The following TRIB2 variants were observed in gnomAD, a reference collection of about 807,000 sequenced individuals.
TRIB2 encodes tribbles pseudokinase 2.
A neutral mutation model predicts 26.8 loss-of-function variants in TRIB2; 2 were observed. The observed-to-expected ratio is 0.07, with a 90% CI of 0.03 to 0.24. The LOEUF is 0.24. Among genes scored for constraint, TRIB2 ranks in the 10% least tolerant of loss-of-function variants. The probability of loss-of-function intolerance (pLI) is 1.00; values close to 1 mark genes in which losing one functional copy is unlikely to be tolerated. For missense variants in TRIB2, 306 were observed against 449.0 expected (o/e 0.68, Z 2.88); for synonymous variants, 189 against 187.3 (o/e 1.01, Z -0.08).
intron 2 of TRIB2, among the ~76,000 whole-genome samples, chr2:12,739,078 T>C (rs1661650860): frequency 6.6e-6 from 1 of 152,086 alleles, no homozygotes; most frequent in Admixed American, 6.5e-5. Context: ...CTTGGGCTCA[T>C]GGTTCTGTTC....
Position 12,718,190 on chromosome 2 carries a change from C to A in TRIB2, c.-118C>A. 1.5e-6 allele frequency: 2 copies of A among 1,341,854 alleles called. No individual in the cohort carries two copies. The highest frequency in any genetic ancestry group is 1.5e-5 in the South Asian group (1 of 65,910). 83.1% of individuals were successfully genotyped at this position (1,341,854 alleles called of 1,614,324 possible). On this transcript the variant is annotated 5_prime_UTR_variant, in exon 1 of 3. Coordinates refer to ENST00000155926, the MANE Select transcript of TRIB2 (RefSeq NM_021643.4). This position sits in a 1 kb window ranked among gnomAD's most constrained non-coding sequence, Gnocchi z 4.0. ...TTCTCCACGCAGCCCCTCTTCTGTC[C>A]CCTCCCCTCTCGCTCCCTTTTAAAA... is the stretch of plus-strand genomic sequence containing the variant.
At chr2:12,739,862 GGAC>G (rs1272030943) in intron 2 of TRIB2, among the ~76,000 whole-genome samples, 2 of 152,142 alleles carry the variant, frequency 1.3e-5, no homozygotes, top group African/African-American at 2.4e-5. Context: ...AGGTCTTTGT[GGAC>G]TGTGGTCTGT....
intron 2 of TRIB2, among the ~76,000 whole-genome samples, chr2:12,726,942 CGTT>C (rs1661351035): frequency 6.6e-6 from 1 of 152,162 alleles, no homozygotes; most frequent in African/African-American, 2.4e-5. Context: ...TCCATGGAAA[CGTT>C]GTTAGTGGAA....
intron 1 of TRIB2, among the ~76,000 whole-genome samples, chr2:12,722,836 T>C (rs1424801985): frequency 6.6e-6 from 1 of 152,230 alleles, no homozygotes; most frequent in East Asian, 1.9e-4. Flanking sequence ...TTCTTTTTTT[T>C]TATTTTTGAA....
At chr2:12,739,157 G>A (rs754924027) in intron 2 of TRIB2, among the ~76,000 whole-genome samples, 5 of 152,174 alleles carry the variant, frequency 3.3e-5, no homozygotes, top group Non-Finnish European at 7.3e-5. Context: ...GAAGATGTGG[G>A]TGACCTTCAT....
chr2:12,729,875 T>C (rs1028762684), intron 2 of TRIB2, among the ~76,000 whole-genome samples: 5 of 152,190 alleles, frequency 3.3e-5, no homozygotes, highest in Admixed American at 3.3e-4. Context: ...TCTGAAATCA[T>C]GAGAAGAGAC....
chr2:12,723,643 C>A (rs1156503385), intron 2 of TRIB2, 91 bp downstream of exon 2: 11 of 1,459,916 alleles, frequency 7.5e-6, no homozygotes, highest in Non-Finnish European at 8.3e-6. Context: ...GTTTTTTTGC[C>A]GTCTGTGGTC....
chr2:12,734,550 G>A (rs1459654644), intron 2 of TRIB2, among the ~76,000 whole-genome samples: 1 of 152,102 alleles, frequency 6.6e-6, no homozygotes. Context: ...TAGGTGCAAA[G>A]GTTCATTCTT....
At position 12,723,326 on chromosome 2, in the gene TRIB2, A is replaced by T; in HGVS notation, c.337A>T (p.Ile113Phe). The T allele has an allele frequency of 6.2e-7, 1 of 1,614,254 alleles. No homozygotes were observed. The highest frequency in any genetic ancestry group is 8.5e-7 in the Non-Finnish European group (1 of 1,180,042). Residue 113 changes from isoleucine (I) to phenylalanine (F), a missense_variant, in exon 2 of 3, where the codon ATC (isoleucine) becomes TTC (phenylalanine). Ile to Phe is a conservative substitution (Grantham distance 21). Around this residue, in one of 4 missense-constraint regions of TRIB2, gnomAD observed 118 missense variants for 188.8 expected, o/e 0.63. Coordinates refer to ENST00000155926, the MANE Select transcript of TRIB2 (RefSeq NM_021643.4). The part of the protein sequence containing the change: ...PCFCLSAHSN[I>F]NQITEIILGE... The stretch of plus-strand genomic sequence containing the variant: ...CTTTTGCCTGTCTGCTCATAGTAAC[A>T]TCAACCAAATCACTGAAATTATCCT...
intron 1 of TRIB2, among the ~76,000 whole-genome samples, chr2:12,719,233 T>C (rs1211199497): frequency 6.6e-6 from 1 of 152,066 alleles, no homozygotes; most frequent in African/African-American, 2.4e-5. Flanking sequence ...TCTCTCCCCA[T>C]CTCTAGACTT....
At chr2:12,734,207 G>A (rs954944134) in intron 2 of TRIB2, among the ~76,000 whole-genome samples, 6 of 152,186 alleles carry the variant, frequency 3.9e-5, no homozygotes, top group African/African-American at 1.2e-4. Flanking sequence ...CCCCTGAGAA[G>A]TTACTGGAGA....
At chr2:12,735,765 T>A (rs901369040) in intron 2 of TRIB2, among the ~76,000 whole-genome samples, 1 of 152,148 alleles carries the variant, frequency 6.6e-6, no homozygotes, top group Non-Finnish European at 1.5e-5. Context: ...GGGCTGGTTT[T>A]TGTGGTTGTC....
At chr2:12,726,235 T>C (rs1661338464) in intron 2 of TRIB2, among the ~76,000 whole-genome samples, 1 of 152,268 alleles carries the variant, frequency 6.6e-6, no homozygotes, top group Admixed American at 6.5e-5. Context: ...CAACTTTTTG[T>C]GAAAGGGGAA....
intron 2 of TRIB2, among the ~76,000 whole-genome samples, chr2:12,730,600 T>TTTTTG (rs1661432642): frequency 1.3e-5 from 2 of 152,196 alleles, no homozygotes; most frequent in African/African-American, 2.4e-5. Flanking sequence ...CTGTGGGTTT[T>TTTTTG]TTTTGTTTTG....
chr2:12,734,474 G>A (rs775161711), intron 2 of TRIB2, among the ~76,000 whole-genome samples: 5 of 152,078 alleles, frequency 3.3e-5, no homozygotes, highest in South Asian at 2.1e-4. Context: ...ATCTACGGCC[G>A]TATGCTGGGG....
At chr2:12,734,498 G>A (rs1049736510) in intron 2 of TRIB2, among the ~76,000 whole-genome samples, 12 of 152,104 alleles carry the variant, frequency 7.9e-5, no homozygotes, top group African/African-American at 2.9e-4. Context: ...TGCATTTCGT[G>A]CTTCCTCACC....
At chr2:12,738,509 C>G (rs1364012183) in intron 2 of TRIB2, among the ~76,000 whole-genome samples, 1 of 152,122 alleles carries the variant, frequency 6.6e-6, no homozygotes, top group Non-Finnish European at 1.5e-5. Flanking sequence ...CTGCAAGCCT[C>G]CAGGGGTGTG....
intron 2 of TRIB2, among the ~76,000 whole-genome samples, chr2:12,731,865 CG>C: frequency 6.6e-6 from 1 of 152,208 alleles, no homozygotes; most frequent in East Asian, 1.9e-4. Flanking sequence ...CCTAAGCCAC[CG>C]GGCAGGGCAG....
At chr2:12,721,306 A>G (rs1025799793) in intron 1 of TRIB2, among the ~76,000 whole-genome samples, 2 of 152,220 alleles carry the variant, frequency 1.3e-5, no homozygotes, top group African/African-American at 4.8e-5. Flanking sequence ...ATAGGCTAAA[A>G]GTGCTGAGCA....
Sources: gnomAD v4.1 joint callset for allele counts (sites outside exome capture counted in the v4.1 genomes callset) on GRCh38, gnomAD v4.1.1 for gene constraint, gnomAD v4.1.1 regional missense constraint, Gnocchi (gnomAD v3.1) non-coding constraint, MANE v1.5 for transcripts, NCBI Gene and HGNC (gene_info 2026-07-23, HGNC 2026-07-21) for gene names.